The following VPS13A variants were observed in gnomAD, a reference collection of about 807,000 sequenced individuals.
VPS13A encodes vacuolar protein sorting 13 homolog A.
In VPS13A, 264 loss-of-function variants were observed where a neutral mutation model predicts 390.9. That is an observed-to-expected ratio of 0.68 (90% CI 0.61 to 0.75). The LOEUF is 0.75. Among genes scored for constraint, VPS13A ranks in the 30% least tolerant of loss-of-function variants. VPS13A has a pLI of 0.00. For synonymous variants in VPS13A, 1,231 were observed against 1,227.1 expected, an observed-to-expected ratio of 1.00 and a Z score of -0.07; for missense variants, 3,409 against 3,733.9, an observed-to-expected ratio of 0.91 and a Z score of 2.27.
Position 77,336,802 on chromosome 9 carries a change from C to CTTTT in VPS13A, c.6096-434_6096-431dup, listed in dbSNP as rs1221241397. Among the ~76,000 whole-genome samples, 142 of 107,926 alleles carry CTTTT rather than the reference C, an allele frequency of 1.3e-3. 1 individual carries two copies. The highest frequency in any genetic ancestry group is 2.4e-3 in the African/African-American group (69 of 29,154). 70.8% of individuals were successfully genotyped at this position (107,926 alleles called of 152,430 possible). ...GTTAAGATGATATCTATTTATCTAT[C>CTTTT]TTTTTTTTTTTTTTTTTTTTTTGAG... On this transcript the variant is annotated intron_variant, in intron 46 of 71. Coordinates refer to ENST00000360280, the MANE Select transcript of VPS13A (RefSeq NM_033305.3).
At chr9:77,404,120 C>T (rs1393992271) in intron 69 of VPS13A, among the ~76,000 whole-genome samples, 1 of 152,090 alleles carries the variant, frequency 6.6e-6, no homozygotes, top group Non-Finnish European at 1.5e-5. Context: ...GGAAAACTTC[C>T]ACAATATTAG....
At chr9:77,219,914 A>C (rs759710959) in intron 10 of VPS13A, 40 bp from the exon 11 acceptor site, 2 of 1,605,140 alleles carry the variant, frequency 1.2e-6, no homozygotes, top group South Asian at 2.2e-5. Flanking sequence ...AGACTTTGGA[A>C]ATATAACTCA....
chr9:77,393,733 A>G lies in VPS13A; in HGVS notation c.9190-9503A>G, dbSNP rs114483247. Among the ~76,000 whole-genome samples the G allele has an allele frequency of 5.9e-3, 892 of 152,308 alleles. 9 individuals are homozygous for G. Among genetic ancestry groups the G allele is most frequent in the Middle Eastern group, 0.02 (6 of 294 alleles). On this transcript the variant is annotated intron_variant, in intron 68 of 71. Coordinates refer to ENST00000360280, the MANE Select transcript of VPS13A (RefSeq NM_033305.3). ...TCTCAACAGTGGGCTTAAAATATTT[A>G]GTAAACTTTAAGTAATTCTTAAGGA...
chr9:77,185,968 A>G (rs2131059058), intron 1 of VPS13A, among the ~76,000 whole-genome samples: 1 of 152,304 alleles, frequency 6.6e-6, no homozygotes, highest in South Asian at 2.1e-4. Flanking sequence ...CTCTACTAGA[A>G]ATACAAAAAA....
intron 67 of VPS13A, among the ~76,000 whole-genome samples, chr9:77,375,236 T>A (rs1236853960): frequency 2.6e-5 from 4 of 152,100 alleles, no homozygotes; most frequent in Non-Finnish European, 4.4e-5. Flanking sequence ...CAATGAAACA[T>A]TTTTAGAAAA....
chr9:77,317,060 G>A (rs1478294227), intron 39 of VPS13A, among the ~76,000 whole-genome samples: 1 of 151,894 alleles, frequency 6.6e-6, no homozygotes, highest in Non-Finnish European at 1.5e-5. Flanking sequence ...TTTTTTTCCT[G>A]ATGCTTGGTA....
At chr9:77,329,326 C>G (rs990311802) in intron 45 of VPS13A, among the ~76,000 whole-genome samples, 1 of 152,194 alleles carries the variant, frequency 6.6e-6, no homozygotes, top group African/African-American at 2.4e-5. Flanking sequence ...CTGTTTGATG[C>G]AAGAGGCCTA....
chr9:77,341,946 C>G (rs73449927), intron 50 of VPS13A, among the ~76,000 whole-genome samples: 1 of 151,434 alleles, frequency 6.6e-6, no homozygotes, highest in Non-Finnish European at 1.5e-5. Context: ...TTAATAATAC[C>G]GTAATCAATT....
intron 46 of VPS13A, among the ~76,000 whole-genome samples, chr9:77,336,425 C>T (rs1173550082): frequency 6.6e-6 from 1 of 151,828 alleles, no homozygotes; most frequent in Non-Finnish European, 1.5e-5. Context: ...AAAAAAACAG[C>T]ACTGTTCCGC....
chr9:77,404,995 T>C lies in VPS13A; in HGVS notation c.9276-869T>C, dbSNP rs562903181. Among the ~76,000 whole-genome samples, 5 of 152,204 alleles carry C rather than the reference T, an allele frequency of 3.3e-5. No homozygotes were observed. The East Asian group carries it at 9.7e-4, about 29-fold the overall frequency. On this transcript the variant is annotated intron_variant, in intron 69 of 71. Coordinates refer to ENST00000360280, the MANE Select transcript of VPS13A (RefSeq NM_033305.3). ...ATCCTAGCCAGGAGTCAGACCTTTTTTTTTTTAACTCAATCTAATACAAAC... is the reference window on the plus strand; with the variant it reads ...ATCCTAGCCAGGAGTCAGACCTTTTCTTTTTTAACTCAATCTAATACAAAC...
intron 59 of VPS13A, among the ~76,000 whole-genome samples, chr9:77,362,751 A>G (rs1305782815): frequency 1.3e-5 from 2 of 152,172 alleles, no homozygotes; most frequent in Non-Finnish European, 2.9e-5. Context: ...CTTGCACATG[A>G]CATGTTTATC....
intron 71 of VPS13A, among the ~76,000 whole-genome samples, chr9:77,410,871 A>C (rs1834885892): frequency 6.6e-6 from 1 of 152,052 alleles, no homozygotes; most frequent in Admixed American, 6.5e-5. Flanking sequence ...CACTGTCAAC[A>C]TTAGATCAAC....
rs143182944 is a variant in VPS13A, at chr9:77,183,420, G to T, written c.100+5616G>T. Reference sequence around the variant, plus strand: ...CTTGTCCCCAGGTTTTTGCTGATTTGCTTTCTGTTACTGCATATTAGCTTG... The same window carrying T: ...CTTGTCCCCAGGTTTTTGCTGATTTTCTTTCTGTTACTGCATATTAGCTTG... On this transcript the variant is annotated intron_variant, in intron 1 of 71. Coordinates refer to ENST00000360280, the MANE Select transcript of VPS13A (RefSeq NM_033305.3). Among the ~76,000 whole-genome samples the T allele has an allele frequency of 4.7e-4, 72 of 152,172 alleles. No individual in the cohort carries two copies. The East Asian group carries it at 0.011, about 23-fold the overall frequency.
chr9:77,352,102 AAAAC>A (rs1831506460), intron 53 of VPS13A, among the ~76,000 whole-genome samples: 2 of 152,248 alleles, frequency 1.3e-5, no homozygotes, highest in South Asian at 4.1e-4. Flanking sequence ...ATTCACCTGA[AAAAC>A]AAATATGTTC....
chr9:77,376,125 C>T lies in VPS13A; in HGVS notation c.9077+4976C>T, dbSNP rs369161703. Among the ~76,000 whole-genome samples the T allele has an allele frequency of 1.2e-4, 19 of 152,156 alleles. No homozygotes were observed. The East Asian group carries it at 2.9e-3, about 23-fold the overall frequency. ...AGGGTGAGCCATGTGAGAAGAATGT[C>T]CCAGGCAGAAGGAACAGCAGTTAAA... On this transcript the variant is annotated intron_variant, in intron 67 of 71. Transcript: ENST00000360280.
intron 13 of VPS13A, among the ~76,000 whole-genome samples, chr9:77,225,501 C>T (rs948779016): frequency 6.6e-6 from 1 of 152,184 alleles, no homozygotes; most frequent in Non-Finnish European, 1.5e-5. Context: ...CTGCCTCAGC[C>T]TCCCAGAGTG....
chr9:77,390,141 G>T (rs1833845938), intron 68 of VPS13A: 2 of 984,664 alleles, frequency 2.0e-6, no homozygotes, highest in African/African-American at 3.5e-5. Context: ...CTGAAAATTT[G>T]AGTAAGTGGA....
intron 37 of VPS13A, 80 bp downstream of exon 37, chr9:77,314,744 C>T (rs773454817): frequency 2.7e-5 from 38 of 1,421,200 alleles, no homozygotes; most frequent in Non-Finnish European, 3.3e-5. Context: ...CAGAATTGCA[C>T]GTTCATTTTC....
At chr9:77,331,126 CA>C (rs1352594430) in intron 45 of VPS13A, among the ~76,000 whole-genome samples, 1 of 142,662 alleles carries the variant, frequency 7.0e-6, no homozygotes, top group Admixed American at 6.8e-5. Flanking sequence ...AGATTGTTTT[CA>C]TTTTCATTTT....
Sources: allele counts gnomAD v4.1 joint callset (sites outside exome capture counted in the v4.1 genomes callset), GRCh38; gene constraint gnomAD v4.1.1; transcripts MANE v1.5; gene names NCBI Gene and HGNC (gene_info 2026-07-23, HGNC 2026-07-21).